The following GALNT17 variants were observed in gnomAD, a reference collection of about 807,000 sequenced individuals.
GALNT17 encodes polypeptide N-acetylgalactosaminyltransferase 17.
Under a neutral mutation model 63.7 loss-of-function variants are expected in GALNT17, and 29 were observed. That is an observed-to-expected ratio of 0.46 (90% CI 0.34 to 0.62). The LOEUF is 0.62. Among genes scored for constraint, GALNT17 ranks in the 20% least tolerant of loss-of-function variants. The pLI, the probability that GALNT17 is intolerant of heterozygous loss-of-function variation, is 0.01. For synonymous variants in GALNT17, 305 were observed against 318.3 expected (o/e 0.96, Z 0.45); for missense variants, 603 against 799.6 (o/e 0.75, Z 2.97).
intron 1 of GALNT17, among the ~76,000 whole-genome samples, chr7:71,265,118 A>ATATATATAGATTTTT (rs1390488895): frequency 2.7e-5 from 1 of 37,460 alleles, no homozygotes; most frequent in African/African-American, 6.9e-5. Context: ...ATATATATAT[A>ATATATATAGATTTTT]TTTTTTTTTT....
At chr7:71,192,636 G>A (rs915610286) in intron 1 of GALNT17, among the ~76,000 whole-genome samples, 8 of 152,038 alleles carry the variant, frequency 5.3e-5, no homozygotes, top group Non-Finnish European at 8.8e-5. Flanking sequence ...CCTCATGTGA[G>A]CCACCCACCT....
At chr7:71,435,744 G>A (rs546419274) in intron 5 of GALNT17, among the ~76,000 whole-genome samples, 1 of 152,174 alleles carries the variant, frequency 6.6e-6, no homozygotes, top group Non-Finnish European at 1.5e-5. Flanking sequence ...CCCCAGCCAG[G>A]CGCAATGGCT....
chr7:71,703,945 T>C (rs1277049970), intron 9 of GALNT17, among the ~76,000 whole-genome samples: 1 of 151,888 alleles, frequency 6.6e-6, no homozygotes, highest in Non-Finnish European at 1.5e-5. Flanking sequence ...GGATAGGAGA[T>C]TGAGGAGGAA....
At chr7:71,673,382 T>C (rs1207263539) in intron 8 of GALNT17, among the ~76,000 whole-genome samples, 1 of 152,070 alleles carries the variant, frequency 6.6e-6, no homozygotes, top group Non-Finnish European at 1.5e-5. Context: ...ATGAGAAAAA[T>C]ATTGATACCA....
intron 2 of GALNT17, among the ~76,000 whole-genome samples, chr7:71,337,661 A>T (rs1791932782): frequency 6.6e-6 from 1 of 152,034 alleles, no homozygotes; most frequent in Non-Finnish European, 1.5e-5. Context: ...CGAGGTCAGG[A>T]GTTTGAGACC....
intron 2 of GALNT17, among the ~76,000 whole-genome samples, chr7:71,367,916 C>T (rs189947301): frequency 6.6e-6 from 1 of 152,128 alleles, no homozygotes; most frequent in African/African-American, 2.4e-5. Context: ...TGTGATGGAG[C>T]CACACAGAGA....
intron 1 of GALNT17, among the ~76,000 whole-genome samples, chr7:71,321,618 C>CT (rs1791606937): frequency 1.3e-5 from 2 of 149,708 alleles, no homozygotes; most frequent in Non-Finnish European, 3.0e-5. Context: ...CCCTCCCTCC[C>CT]TTTTTTTGAG....
chr7:71,214,242 T>G (rs1371286689), intron 1 of GALNT17, among the ~76,000 whole-genome samples: 1 of 152,252 alleles, frequency 6.6e-6, no homozygotes, highest in East Asian at 1.9e-4. Flanking sequence ...TGGACGCACT[T>G]AGGTCCTTCT....
intron 1 of GALNT17, among the ~76,000 whole-genome samples, chr7:71,330,972 C>T (rs1440843222): frequency 6.6e-6 from 1 of 152,134 alleles, no homozygotes; most frequent in African/African-American, 2.4e-5. Context: ...GTCCTGATGG[C>T]AGTGAGGTTT....
intron 1 of GALNT17, among the ~76,000 whole-genome samples, chr7:71,292,222 G>GA (rs1790991345): frequency 6.6e-6 from 1 of 152,134 alleles, no homozygotes; most frequent in South Asian, 2.1e-4. Context: ...GCTGAGAAAC[G>GA]AACTGGCTTA....
chr7:71,167,775 C>A (rs1422792261), intron 1 of GALNT17, among the ~76,000 whole-genome samples: 2 of 152,122 alleles, frequency 1.3e-5, no homozygotes, highest in Non-Finnish European at 2.9e-5. Flanking sequence ...CTGCAACCTC[C>A]ACCTCCTGGG....
chr7:71,300,417 C>G (rs1319027178), intron 1 of GALNT17: 1 of 456,016 alleles, frequency 2.2e-6, no homozygotes, highest in South Asian at 1.6e-5. Context: ...CTCCTGTGTC[C>G]CTCTCTGCCA....
At chr7:71,197,523 G>T (rs1789077471) in intron 1 of GALNT17, among the ~76,000 whole-genome samples, 1 of 151,832 alleles carries the variant, frequency 6.6e-6, no homozygotes, top group Admixed American at 6.6e-5. Context: ...GTACATTTAA[G>T]TAGTAGGTCT....
intron 9 of GALNT17, among the ~76,000 whole-genome samples, chr7:71,708,540 A>G (rs894182143): frequency 1.3e-5 from 2 of 152,204 alleles, no homozygotes; most frequent in Non-Finnish European, 2.9e-5. Context: ...CATATCATGG[A>G]GTTCTACAAA....
chr7:71,250,844 G>A (rs921957224), intron 1 of GALNT17, among the ~76,000 whole-genome samples: 14 of 152,236 alleles, frequency 9.2e-5, no homozygotes, highest in African/African-American at 2.2e-4. Context: ...TTCTGTGTGC[G>A]CCTTTCTTAA....
intron 1 of GALNT17, among the ~76,000 whole-genome samples, chr7:71,201,626 G>GTTT (rs35370760): frequency 1.4e-5 from 2 of 140,300 alleles, no homozygotes; most frequent in Admixed American, 7.1e-5. Context: ...TACTTTGCCA[G>GTTT]TTTTTTTTTT....
chr7:71,494,754 G>C (rs954142145), intron 5 of GALNT17, among the ~76,000 whole-genome samples: 1 of 152,156 alleles, frequency 6.6e-6, no homozygotes, highest in African/African-American at 2.4e-5. Context: ...ATAAAGGAAA[G>C]AGGTTTAATT....
chr7:71,293,471 A>T (rs1043893444), intron 1 of GALNT17, among the ~76,000 whole-genome samples: 15 of 152,084 alleles, frequency 9.9e-5, no homozygotes, highest in African/African-American at 3.4e-4. Flanking sequence ...CATTTTTTTC[A>T]TATATCCATT....
At chr7:71,304,312 C>T (rs754687372) in intron 1 of GALNT17, among the ~76,000 whole-genome samples, 4 of 152,162 alleles carry the variant, frequency 2.6e-5, no homozygotes, top group African/African-American at 9.7e-5. Context: ...TTAACTGAAA[C>T]GGCGTTCAGA....
Sources: gnomAD v4.1 joint callset for allele counts (sites outside exome capture counted in the v4.1 genomes callset) on GRCh38, gnomAD v4.1.1 for gene constraint, MANE v1.5 for transcripts, NCBI Gene and HGNC (gene_info 2026-07-23, HGNC 2026-07-21) for gene names.